MCMDC2: variants seen among roughly 807,000 people sequenced by gnomAD.
MCMDC2 encodes the protein minichromosome maintenance domain-containing protein 2.
Under a neutral mutation model 75.8 loss-of-function variants are expected in MCMDC2, and 54 were observed. The observed-to-expected ratio is 0.71, with a 90% CI of 0.57 to 0.89. The LOEUF (loss-of-function observed/expected upper bound fraction) is 0.89. Ranked by LOEUF, MCMDC2 falls within the 40% of genes least tolerant of loss-of-function variation. The pLI is 0.00. For missense variants in MCMDC2, 656 were observed against 780.4 expected (o/e 0.84, Z 1.90); for synonymous variants, 249 against 274.6 (o/e 0.91, Z 0.92).
chr8:66,901,589 A>T, intron 13 of MCMDC2: 1 of 1,170,734 alleles, frequency 8.5e-7, no homozygotes, highest in Non-Finnish European at 1.1e-6. Context: ...CATATGAGAT[A>T]TGTCTGGGAA....
chr8:66,883,074 G>A (rs1186020955), intron 8 of MCMDC2, among the ~76,000 whole-genome samples: 4 of 152,108 alleles, frequency 2.6e-5, no homozygotes, highest in Admixed American at 2.6e-4. Flanking sequence ...AAGGAGAATG[G>A]GACTAGGTTA....
chr8:66,895,195 G>A (rs183697836), intron 10 of MCMDC2, among the ~76,000 whole-genome samples: 4 of 152,204 alleles, frequency 2.6e-5, no homozygotes, highest in African/African-American at 9.6e-5. Context: ...GTTATACTGT[G>A]TTGTTTTTTA....
intron 12 of MCMDC2, among the ~76,000 whole-genome samples, chr8:66,900,894 G>T (rs2130846371): frequency 6.6e-6 from 1 of 152,298 alleles, no homozygotes; most frequent in South Asian, 2.1e-4. Context: ...GCTATTCAAA[G>T]GAAAGTTAGC....
In MCMDC2 at chr8:66,874,239, G is replaced by A. The variant is rs763744003; in HGVS notation, c.94+5G>A. On this transcript the variant is annotated splice_donor_5th_base_variant and intron_variant, in intron 2 of 14. Coordinates refer to ENST00000422365, the MANE Select transcript of MCMDC2 (RefSeq NM_173518.5). ...ATGATTGCAAGTACTACAATGGTAC[G>A]TTCAGCAAAGGTGAGTTATTTTTAA... 3.7e-6 allele frequency: 6 copies of A among 1,609,708 alleles called. No homozygotes were observed. Among genetic ancestry groups the A allele is most frequent in the South Asian group, 2.2e-5 (2 of 89,622 alleles).
At chr8:66,880,677 G>A (rs1046438113) in intron 7 of MCMDC2, among the ~76,000 whole-genome samples, 172 bp from the exon 8 acceptor site, 15 of 152,098 alleles carry the variant, frequency 9.9e-5, no homozygotes, top group African/African-American at 3.6e-4. Flanking sequence ...CAATAAAATT[G>A]CATCAGATTA....
downstream of MCMDC2, among the ~76,000 whole-genome samples, chr8:66,925,091 C>G (rs1585929279): frequency 6.6e-6 from 1 of 152,234 alleles, no homozygotes; most frequent in African/African-American, 2.4e-5. Context: ...CAAGAGAGAT[C>G]TGGCCAAGAC....
intron 13 of MCMDC2, among the ~76,000 whole-genome samples, chr8:66,902,947 C>T (rs1812767255): frequency 6.6e-6 from 1 of 151,234 alleles, no homozygotes; most frequent in Non-Finnish European, 1.5e-5. Context: ...TGATGAAACC[C>T]TGTCTCTACT....
intron 13 of MCMDC2, chr8:66,901,684 C>G: frequency 3.0e-6 from 3 of 998,380 alleles, no homozygotes; most frequent in Non-Finnish European, 3.6e-6. Flanking sequence ...GTAATCCCAG[C>G]ACTTTGGGAG....
intron 9 of MCMDC2, among the ~76,000 whole-genome samples, chr8:66,885,986 A>G (rs1474924235): frequency 2.0e-5 from 3 of 152,144 alleles, no homozygotes; most frequent in Non-Finnish European, 4.4e-5. Flanking sequence ...GAATGTACCA[A>G]AATTCATTTA....
At chr8:66,923,405 T>C (rs1366855180), downstream of MCMDC2, among the ~76,000 whole-genome samples, 1 of 152,126 alleles carries the variant, frequency 6.6e-6, no homozygotes, top group African/African-American at 2.4e-5. Context: ...TATGAAGACA[T>C]ACAAGGTTGG....
chr8:66,905,167 A>T, intron 13 of MCMDC2, 59 bp from the exon 14 acceptor site: 1 of 1,274,096 alleles, frequency 7.8e-7, no homozygotes, highest in Non-Finnish European at 1.0e-6. Context: ...TTCCTGCCAA[A>T]ATATATATTA....
chr8:66,897,950 T>C (rs1228681507), intron 12 of MCMDC2, among the ~76,000 whole-genome samples: 1 of 152,212 alleles, frequency 6.6e-6, no homozygotes, highest in African/African-American at 2.4e-5. Flanking sequence ...AAAATTTTTT[T>C]TCATATCTAT....
intron 14 of MCMDC2, among the ~76,000 whole-genome samples, chr8:66,906,819 C>G (rs1440380859): frequency 6.6e-6 from 1 of 151,184 alleles, no homozygotes; most frequent in African/African-American, 2.4e-5. Flanking sequence ...TCTTGTTGCC[C>G]AGGCTGGAGT....
intron 14 of MCMDC2, among the ~76,000 whole-genome samples, chr8:66,915,695 T>C (rs1316890227): frequency 6.6e-6 from 1 of 151,848 alleles, no homozygotes; most frequent in Non-Finnish European, 1.5e-5. Context: ...AGCTCTAACC[T>C]AGGAATATAA....
chr8:66,925,662 G>A (rs117817887), downstream of MCMDC2: 2,560 of 152,358 alleles, frequency 0.017, 63 homozygotes, highest in South Asian at 0.045. Context: ...GGGAGGGGGC[G>A]GAGGGGAGAT....
intron 4 of MCMDC2, among the ~76,000 whole-genome samples, chr8:66,875,479 A>T (rs773859694): frequency 1.3e-5 from 2 of 152,098 alleles, no homozygotes; most frequent in Non-Finnish European, 2.9e-5. Context: ...AGGTTTCTCC[A>T]TGTTGGTCAG....
At chr8:66,906,787 T>A (rs186632555) in intron 14 of MCMDC2, among the ~76,000 whole-genome samples, 473 of 151,714 alleles carry the variant, frequency 3.1e-3, no homozygotes, top group African/African-American at 9.0e-3. Context: ...TATTATTATT[T>A]TTTTTTGAGA....
chr8:66,921,879 C>T lies in MCMDC2; in HGVS notation c.*2710C>T, dbSNP rs1813548938. ...AATTATTGACAAGATTATAATCTTT[C>T]GAATATGTTCAAAACAGGTCTGACT... On this transcript the variant is annotated 3_prime_UTR_variant, in exon 15 of 15. Transcript: ENST00000422365. 1 of 152,110 alleles carries T rather than the reference C, an allele frequency of 6.6e-6. No homozygotes were observed. The highest frequency in any genetic ancestry group is 1.9e-4 in the East Asian group (1 of 5,198). The allele number at this position is 152,110 out of a possible 1,614,324, so 9.4% of individuals were successfully genotyped here.
chr8:66,892,543 G>A (rs973124131), intron 10 of MCMDC2, among the ~76,000 whole-genome samples: 2 of 152,190 alleles, frequency 1.3e-5, no homozygotes, highest in African/African-American at 2.4e-5. Context: ...ACCCCCAGGC[G>A]GGTAGTCCCA....
Sources: allele counts gnomAD v4.1 joint callset (sites outside exome capture counted in the v4.1 genomes callset), GRCh38; gene constraint gnomAD v4.1.1; transcripts MANE v1.5; gene names NCBI Gene and HGNC (gene_info 2026-07-23, HGNC 2026-07-21).